PGBD5: variants seen among roughly 807,000 people sequenced by gnomAD.
The protein encoded by PGBD5 is piggyBac transposable element derived 5.
PGBD5 carries 14 observed loss-of-function variants against 47.9 expected under a neutral mutation model. That is an observed-to-expected ratio of 0.29 (90% CI 0.19 to 0.46). The LOEUF is 0.46. PGBD5 is among the 20% of genes least tolerant of loss of function. The probability of loss-of-function intolerance (pLI) is 1.00; values close to 1 mark genes in which losing one functional copy is unlikely to be tolerated. For synonymous variants in PGBD5, 316 were observed against 306.3 expected (o/e 1.03, Z -0.33); for missense variants, 635 against 716.0 (o/e 0.89, Z 1.29).
At chr1:230,423,113 C>T (rs1011865529) in intron 1 of PGBD5, among the ~76,000 whole-genome samples, 19 of 152,150 alleles carry the variant, frequency 1.2e-4, no homozygotes, top group African/African-American at 4.3e-4. Context: ...CCGCACATTT[C>T]CATAAAACAC....
In PGBD5 at chr1:230,321,183, C is replaced by T. The variant is rs1477241378; in HGVS notation, c.*2242G>A. ...CTCAAATACAACTGCACTCATACAA[C>T]TGCAACATCAAGAGGTATTTCTATT... On this transcript the variant is annotated 3_prime_UTR_variant, in exon 7 of 7. Coordinates refer to ENST00000391860, the MANE Select transcript of PGBD5 (RefSeq NM_001258311.2). The T allele has an allele frequency of 6.6e-6, 1 of 152,228 alleles. No individual in the cohort carries two copies. Among genetic ancestry groups the T allele is most frequent in the East Asian group, 1.9e-4 (1 of 5,208 alleles). The allele number at this position is 152,228 out of a possible 1,614,324, so 9.4% of individuals were successfully genotyped here. A position where few individuals can be genotyped will look rare whatever the true frequency, so the allele number is the denominator to read the frequency against.
intron 1 of PGBD5, among the ~76,000 whole-genome samples, chr1:230,392,697 G>A (rs1196031850): frequency 6.6e-6 from 1 of 152,112 alleles, no homozygotes; most frequent in Non-Finnish European, 1.5e-5. Context: ...CCTCAGCAGC[G>A]GCCTGCTCTC....
At chr1:230,377,760 A>T in intron 1 of PGBD5, 8 of 1,300,574 alleles carry the variant, frequency 6.2e-6, no homozygotes, top group South Asian at 1.7e-5. Flanking sequence ...CTGTGCATAA[A>T]GCACAGTGCA....
intron 1 of PGBD5, among the ~76,000 whole-genome samples, chr1:230,417,589 G>A (rs61824803): frequency 0.28 from 43,054 of 152,164 alleles, 7,334 homozygotes; most frequent in Non-Finnish European, 0.38. Context: ...TCTCTTGTTT[G>A]AGACACTTTT....
chr1:230,379,715 C>A (rs1269144729), intron 1 of PGBD5, among the ~76,000 whole-genome samples: 1 of 152,262 alleles, frequency 6.6e-6, no homozygotes, highest in Non-Finnish European at 1.5e-5. Flanking sequence ...CCTTCCTCTG[C>A]ACCCTCGTAG....
rs1209450194 is a variant in PGBD5, at chr1:230,413,347, G to A, written c.331+12251C>T. Among the ~76,000 whole-genome samples, 8 of 152,002 alleles carry A rather than the reference G, an allele frequency of 5.3e-5. No homozygotes were observed. The East Asian group carries it at 1.5e-3, about 29-fold the overall frequency. On this transcript the variant is annotated intron_variant, in intron 1 of 6. Transcript: ENST00000391860. ...GAGCTGTTAGGGAGCAGAATTTCGA[G>A]CAAAAAATTAGGTATGGTGGCACAC... is the stretch of plus-strand genomic sequence containing the variant.
At chr1:230,413,410 G>A (rs996436753) in intron 1 of PGBD5, among the ~76,000 whole-genome samples, 3 of 152,086 alleles carry the variant, frequency 2.0e-5, no homozygotes, top group Non-Finnish European at 4.4e-5. Flanking sequence ...TGGGGTGGGA[G>A]GATTGCTTGG....
rs1426040488 is a variant in PGBD5 at position 230,320,073 on chromosome 1, G to A, written c.*3352C>T. 1 of 152,132 alleles carries A rather than the reference G, an allele frequency of 6.6e-6. No homozygotes were observed. The highest frequency in any genetic ancestry group is 1.9e-4 in the East Asian group (1 of 5,182). The allele number at this position is 152,132 out of a possible 1,614,324, so 9.4% of individuals were successfully genotyped here. On this transcript the variant is annotated 3_prime_UTR_variant, in exon 7 of 7. Transcript: ENST00000391860. ...AGATGGGGTTTCACCATATTGGCCA[G>A]GCTGGTCTCAATCTCCTGGCCTTGT... is the stretch of plus-strand genomic sequence containing the variant.
chr1:230,354,912 GAGA>G (rs1667611773), intron 2 of PGBD5, among the ~76,000 whole-genome samples: 1 of 152,188 alleles, frequency 6.6e-6, no homozygotes, highest in African/African-American at 2.4e-5. Flanking sequence ...AATGGAAGGA[GAGA>G]AGAATGAGCT....
At chr1:230,372,425 T>C (rs1355460657) in intron 1 of PGBD5, among the ~76,000 whole-genome samples, 1 of 152,126 alleles carries the variant, frequency 6.6e-6, no homozygotes, top group Non-Finnish European at 1.5e-5. Flanking sequence ...TGAAAGCTGT[T>C]AGACGCAGAA....
chr1:230,377,678 T>C (rs1217737671), intron 1 of PGBD5: 1 of 1,447,058 alleles, frequency 6.9e-7, no homozygotes, highest in Non-Finnish European at 9.1e-7. Context: ...ACAGCCTTCA[T>C]TTCCCCATCT....
At chr1:230,376,662 G>A (rs577273188) in intron 1 of PGBD5, among the ~76,000 whole-genome samples, 2 of 152,250 alleles carry the variant, frequency 1.3e-5, no homozygotes, top group South Asian at 2.1e-4. Flanking sequence ...CTATCCCAAG[G>A]ATCACTGCAA....
chr1:230,382,410 C>A (rs957784721), intron 1 of PGBD5, among the ~76,000 whole-genome samples: 27 of 152,202 alleles, frequency 1.8e-4, no homozygotes, highest in Non-Finnish European at 2.9e-4. Context: ...GACTGCCAGG[C>A]CTGTAGCGGC....
In PGBD5 at chr1:230,316,067, T is replaced by C. The variant is rs775089374; in HGVS notation, c.*7358A>G. ...ATGTGTACACATATATGTATGTGTA[T>C]ACATACATGTTTATGTGTATACATA... is the stretch of plus-strand genomic sequence containing the variant. On this transcript the variant is annotated 3_prime_UTR_variant, in exon 7 of 7. Transcript: ENST00000391860. 3.5e-4 allele frequency: 46 copies of C among 131,034 alleles called. No homozygotes were observed. Among genetic ancestry groups the C allele is most frequent in the East Asian group, 1.3e-3 (4 of 2,982 alleles). The allele number at this position is 131,034 out of a possible 1,614,324, so 8.1% of individuals were successfully genotyped here. A position where few individuals can be genotyped will look rare whatever the true frequency, so the allele number is the denominator to read the frequency against.
chr1:230,412,384 A>G (rs893759783), intron 1 of PGBD5, among the ~76,000 whole-genome samples: 2 of 147,934 alleles, frequency 1.4e-5, no homozygotes, highest in Non-Finnish European at 3.0e-5. Flanking sequence ...ATCATCCTAA[A>G]GTCTTTTTTT....
intron 2 of PGBD5, among the ~76,000 whole-genome samples, chr1:230,354,134 T>A (rs753710883): frequency 6.6e-6 from 1 of 152,154 alleles, no homozygotes; most frequent in Non-Finnish European, 1.5e-5. Flanking sequence ...AGCATGAGGT[T>A]CTGGTCATAG....
chr1:230,405,446 A>AT (rs1476150176), intron 1 of PGBD5, among the ~76,000 whole-genome samples: 1 of 152,138 alleles, frequency 6.6e-6, no homozygotes, highest in Admixed American at 6.5e-5. Flanking sequence ...TCTTCATAAT[A>AT]TTTTTTTCTC....
chr1:230,348,168 G>C (rs1023779773), intron 3 of PGBD5, among the ~76,000 whole-genome samples: 1 of 152,208 alleles, frequency 6.6e-6, no homozygotes, highest in Non-Finnish European at 1.5e-5. Context: ...GAACTACAAT[G>C]AAGAAAATGT....
At chr1:230,404,628 AAATAT>A (rs1311688716) in intron 1 of PGBD5, among the ~76,000 whole-genome samples, 73 of 123,880 alleles carry the variant, frequency 5.9e-4, no homozygotes, top group Non-Finnish European at 7.8e-4. Context: ...AAAAAAAAAA[AAATAT>A]ATATATATAT....
Sources: allele counts gnomAD v4.1 joint callset (sites outside exome capture counted in the v4.1 genomes callset), GRCh38; gene constraint gnomAD v4.1.1; transcripts MANE v1.5; gene names NCBI Gene and HGNC (gene_info 2026-07-23, HGNC 2026-07-21).